The following SNX30 variants were observed in gnomAD, a reference collection of about 807,000 sequenced individuals.
The protein encoded by SNX30 is sorting nexin-30.
SNX30 carries 24 observed loss-of-function variants against 46.4 expected under a neutral mutation model. The ratio of observed to expected loss-of-function variants is 0.52; its 90% CI spans 0.37 to 0.73. The LOEUF (loss-of-function observed/expected upper bound fraction) is 0.73, where lower values mean the gene tolerates loss of function less well. Among genes scored for constraint, SNX30 ranks in the 30% least tolerant of loss-of-function variants. SNX30 has a pLI of 0.00. For synonymous variants in SNX30, 189 were observed against 211.5 expected, an observed-to-expected ratio of 0.89 and a Z score of 0.92; for missense variants, 533 against 555.7, an observed-to-expected ratio of 0.96 and a Z score of 0.41.
At chr9:112,751,888 C>T (rs1839284275) in intron 1 of SNX30, among the ~76,000 whole-genome samples, 1 of 152,116 alleles carries the variant, frequency 6.6e-6, no homozygotes, top group African/African-American at 2.4e-5. Context: ...CCTCCTGCTG[C>T]TTGGAGAGAC....
intron 1 of SNX30, among the ~76,000 whole-genome samples, chr9:112,788,738 T>A (rs1254989111): frequency 6.6e-6 from 1 of 152,190 alleles, no homozygotes; most frequent in African/African-American, 2.4e-5. Context: ...AAGTTTTCAG[T>A]TGGCAAGATC....
intron 8 of SNX30, among the ~76,000 whole-genome samples, chr9:112,865,536 T>A (rs1243052496): frequency 9.3e-5 from 14 of 150,190 alleles, no homozygotes; most frequent in Non-Finnish European, 1.6e-4. Flanking sequence ...GAGGATGGCT[T>A]GAGCCAGGAG....
intron 6 of SNX30, among the ~76,000 whole-genome samples, chr9:112,842,653 G>A (rs1336460401): frequency 1.3e-5 from 2 of 152,236 alleles, no homozygotes; most frequent in Non-Finnish European, 2.9e-5. Context: ...GCTTGTAGCT[G>A]TGTGTTTACT....
chr9:112,752,210 A>G (rs1839289552), intron 1 of SNX30, among the ~76,000 whole-genome samples: 1 of 152,194 alleles, frequency 6.6e-6, no homozygotes, highest in African/African-American at 2.4e-5. Flanking sequence ...TTGCAGTCAG[A>G]AGGTCACTGA....
intron 7 of SNX30, among the ~76,000 whole-genome samples, chr9:112,857,513 T>G (rs1384076377): frequency 6.6e-6 from 1 of 152,190 alleles, no homozygotes; most frequent in African/African-American, 2.4e-5. Flanking sequence ...TGTCCCCTGC[T>G]CACTCAGCAG....
At chr9:112,754,984 T>C (rs2645986) in intron 1 of SNX30, among the ~76,000 whole-genome samples, 53,141 of 152,026 alleles carry the variant, frequency 0.35, 9,876 homozygotes, top group South Asian at 0.47. Flanking sequence ...TTTTCCTCCA[T>C]CACCTTTTAC....
At chr9:112,827,622 C>T (rs1163064792) in intron 3 of SNX30, among the ~76,000 whole-genome samples, 1 of 152,090 alleles carries the variant, frequency 6.6e-6, no homozygotes, top group Non-Finnish European at 1.5e-5. Context: ...CCTAGTATTC[C>T]ACTTTTTTGG....
intron 3 of SNX30, among the ~76,000 whole-genome samples, chr9:112,819,581 C>T (rs1840460630): frequency 6.6e-6 from 1 of 152,120 alleles, no homozygotes. Context: ...TTCCTTTTTT[C>T]TGTTCCAGGA....
In SNX30 at chr9:112,750,824, C is replaced by A; in HGVS notation, c.-178C>A. ...CGGAGCGGGGGCGCGCGGCGCGGAG[C>A]GGAGCGTCTGAGCGCCGGCAGAGAC... On this transcript the variant is annotated 5_prime_UTR_variant, in exon 1 of 9. Coordinates refer to ENST00000374232, the MANE Select transcript of SNX30 (RefSeq NM_001012994.2). 1 of 352,598 alleles carries A rather than the reference C, an allele frequency of 2.8e-6. No individual in the cohort carries two copies. The highest frequency in any genetic ancestry group is 4.0e-6 in the Non-Finnish European group (1 of 251,212). The allele number at this position is 352,598 out of a possible 1,614,324, so 21.8% of individuals were successfully genotyped here.
At chr9:112,795,835 G>T in intron 1 of SNX30, among the ~76,000 whole-genome samples, 1 of 151,736 alleles carries the variant, frequency 6.6e-6, no homozygotes. Context: ...AGTCACTGGG[G>T]ACTTACAGTG....
chr9:112,828,338 G>A (rs934757738), intron 3 of SNX30, among the ~76,000 whole-genome samples: 5 of 151,780 alleles, frequency 3.3e-5, no homozygotes, highest in Admixed American at 2.6e-4. Flanking sequence ...AGTCAGCACA[G>A]TAACATGCTA....
intron 4 of SNX30, among the ~76,000 whole-genome samples, chr9:112,835,868 A>G (rs188164528): frequency 2.1e-3 from 326 of 152,288 alleles, no homozygotes; most frequent in Non-Finnish European, 3.7e-3. Flanking sequence ...TTGCTTGTAA[A>G]GACAATATAG....
chr9:112,796,449 G>A (rs562563385), intron 1 of SNX30, among the ~76,000 whole-genome samples: 9 of 152,288 alleles, frequency 5.9e-5, no homozygotes, highest in African/African-American at 1.9e-4. Context: ...CGTGGTACCA[G>A]TACATTGAAA....
At chr9:112,877,246 A>G (rs1841528866), downstream of SNX30, 1 of 152,246 alleles carries the variant, frequency 6.6e-6, no homozygotes, top group Admixed American at 6.5e-5. Flanking sequence ...AAAAGGAGCC[A>G]ATACTTGGGC....
intron 6 of SNX30, among the ~76,000 whole-genome samples, chr9:112,846,909 C>G (rs1445989771): frequency 6.6e-6 from 1 of 152,150 alleles, no homozygotes; most frequent in Non-Finnish European, 1.5e-5. Context: ...ACAGCCTTGC[C>G]AGGGTCAGAC....
intron 7 of SNX30, among the ~76,000 whole-genome samples, chr9:112,861,159 C>A (rs1564295105): frequency 6.6e-6 from 1 of 152,172 alleles, no homozygotes; most frequent in Non-Finnish European, 1.5e-5. Flanking sequence ...GTGCTGATAA[C>A]TCCAAGGTCG....
chr9:112,852,798 T>C (rs1477531746), intron 7 of SNX30, among the ~76,000 whole-genome samples: 1 of 152,160 alleles, frequency 6.6e-6, no homozygotes, highest in Non-Finnish European at 1.5e-5. Context: ...AGTAAGATAA[T>C]AGCAGGGACT....
chr9:112,814,283 C>T (rs536301886), intron 2 of SNX30, among the ~76,000 whole-genome samples: 1 of 152,130 alleles, frequency 6.6e-6, no homozygotes, highest in Non-Finnish European at 1.5e-5. Flanking sequence ...CTCTGTGGCT[C>T]ACACTGGAGT....
chr9:112,751,409 C>T (rs889411765), intron 1 of SNX30, among the ~76,000 whole-genome samples: 4 of 152,190 alleles, frequency 2.6e-5, no homozygotes, highest in Non-Finnish European at 5.9e-5. Flanking sequence ...GGGGAGGGGT[C>T]CAGCCTGCGT....
Sources: allele counts gnomAD v4.1 joint callset (sites outside exome capture counted in the v4.1 genomes callset), GRCh38; gene constraint gnomAD v4.1.1; transcripts MANE v1.5; gene names NCBI Gene and HGNC (gene_info 2026-07-23, HGNC 2026-07-21).